ZFHX3: variants seen among roughly 807,000 people sequenced by gnomAD.
ZFHX3 encodes zinc finger homeobox protein 3.
Under a neutral mutation model 279.1 loss-of-function variants are expected in ZFHX3, and 42 were observed. That is an observed-to-expected ratio of 0.15 (90% confidence interval 0.12 to 0.19). The LOEUF is 0.19. Among genes scored for constraint, ZFHX3 ranks in the 10% least tolerant of loss-of-function variants. ZFHX3 has a pLI of 1.00. For synonymous variants in ZFHX3, 2,293 were observed against 1,957.8 expected, an observed-to-expected ratio of 1.17 and a Z score of -4.52; for missense variants, 4,981 against 4,754.0, an observed-to-expected ratio of 1.05 and a Z score of -1.40.
chr16:72,950,359 G>A, intron 3 of ZFHX3, 110 bp downstream of exon 3: 2 of 1,495,526 alleles, frequency 1.3e-6, no homozygotes, highest in Non-Finnish European at 1.8e-6. Flanking sequence ...CAACAGCCAA[G>A]CAGGCCATGC....
chr16:73,884,096 C>A (rs2030268347), intron 1 of ZFHX3, among the ~76,000 whole-genome samples: 1 of 152,152 alleles, frequency 6.6e-6, no homozygotes, highest in Non-Finnish European at 1.5e-5. Context: ...TAGTTTCCAG[C>A]ACACTGTGAT....
At position 72,786,881 on chromosome 16, in the gene ZFHX3, T is replaced by G. The variant is rs949137121; in HGVS notation, c.*283A>C. On this transcript the variant is annotated 3_prime_UTR_variant, in exon 10 of 10. Transcript: ENST00000268489. ...ACATTAGGGAGGCCCTGCGGACTTCTGTTTCCCAGACCAATAGTACCTTCA... is the reference window on the plus strand; with the variant it reads ...ACATTAGGGAGGCCCTGCGGACTTCGGTTTCCCAGACCAATAGTACCTTCA... 1.5e-5 allele frequency: 3 copies of G among 194,634 alleles called. No homozygotes were observed. Among genetic ancestry groups the G allele is most frequent in the African/African-American group, 7.0e-5 (3 of 42,830 alleles). The allele number at this position is 194,634 out of a possible 1,614,324, so 12.1% of individuals were successfully genotyped here. A position where few individuals can be genotyped will look rare whatever the true frequency, so the allele number is the denominator to read the frequency against.
chr16:73,647,214 G>A (rs973280440), intron 2 of ZFHX3, among the ~76,000 whole-genome samples: 1 of 151,932 alleles, frequency 6.6e-6, no homozygotes, highest in South Asian at 2.1e-4. Flanking sequence ...GGGTTTCACC[G>A]TGTTAGCCAG....
At chr16:73,160,940 G>A (rs1967220696) in intron 5 of ZFHX3, among the ~76,000 whole-genome samples, 1 of 151,768 alleles carries the variant, frequency 6.6e-6, no homozygotes, top group South Asian at 2.1e-4. Context: ...ACTCTGGTCT[G>A]GCTATAACTT....
At chr16:73,682,359 G>A (rs926929244) in intron 1 of ZFHX3, among the ~76,000 whole-genome samples, 1 of 151,892 alleles carries the variant, frequency 6.6e-6, no homozygotes, top group Admixed American at 6.6e-5. Flanking sequence ...TAATCATAAG[G>A]CACATGGGAA....
chr16:73,349,717 T>C (rs1431244160), intron 3 of ZFHX3, among the ~76,000 whole-genome samples: 15 of 47,346 alleles, frequency 3.2e-4, no homozygotes, highest in African/African-American at 1.7e-3. Context: ...CCCTCCCTCC[T>C]TCCCTCTCTC....
At chr16:72,854,938 T>TGGGGGG (rs373623618) in intron 4 of ZFHX3, among the ~76,000 whole-genome samples, 5 of 73,912 alleles carry the variant, frequency 6.8e-5, no homozygotes, top group African/African-American at 1.6e-4. Context: ...AATTGGTGGG[T>TGGGGGG]GGGGGGGGGG....
intron 1 of ZFHX3, among the ~76,000 whole-genome samples, chr16:73,681,568 C>T (rs532418019): frequency 1.3e-5 from 2 of 152,220 alleles, no homozygotes; most frequent in Non-Finnish European, 1.5e-5. Context: ...TTCTGGTTAG[C>T]GTTTCTAAGC....
chr16:73,036,170 A>G (rs1287182776), intron 1 of ZFHX3, among the ~76,000 whole-genome samples: 1 of 151,978 alleles, frequency 6.6e-6, no homozygotes, highest in Non-Finnish European at 1.5e-5. Context: ...TCTCTCTACA[A>G]CTGGGGAGGG....
chr16:73,430,045 T>A (rs1243627976), intron 3 of ZFHX3, among the ~76,000 whole-genome samples: 1 of 151,996 alleles, frequency 6.6e-6, no homozygotes, highest in Non-Finnish European at 1.5e-5. Flanking sequence ...ACCACCACAC[T>A]TGGCTAATTA....
intron 3 of ZFHX3, among the ~76,000 whole-genome samples, chr16:73,332,798 C>T (rs569117636): frequency 6.6e-6 from 1 of 152,298 alleles, no homozygotes; most frequent in African/African-American, 2.4e-5. Flanking sequence ...AATGAACGTA[C>T]TCCATGCAAC....
intron 1 of ZFHX3, among the ~76,000 whole-genome samples, chr16:73,044,601 T>C (rs1244441756): frequency 6.3e-5 from 1 of 15,908 alleles, no homozygotes. Flanking sequence ...AAAAGGTGAG[T>C]GTTTGTTTGT....
intron 3 of ZFHX3, among the ~76,000 whole-genome samples, chr16:73,450,672 T>G (rs1291590520): frequency 6.6e-6 from 1 of 152,238 alleles, no homozygotes. Context: ...GCCAGATCCC[T>G]AACTCCGAAT....
At chr16:73,865,523 A>G (rs1481517622) in intron 1 of ZFHX3, among the ~76,000 whole-genome samples, 1 of 152,096 alleles carries the variant, frequency 6.6e-6, no homozygotes, top group Admixed American at 6.5e-5. Context: ...CTTATATTCT[A>G]GATAGTTTCT....
chr16:72,971,059 A>G (rs1962085465), intron 1 of ZFHX3, among the ~76,000 whole-genome samples: 1 of 152,202 alleles, frequency 6.6e-6, no homozygotes, highest in Non-Finnish European at 1.5e-5. Context: ...GCACGTTTAC[A>G]GATACAGATT....
At chr16:73,085,212 T>A (rs1417016659) in intron 8 of ZFHX3, among the ~76,000 whole-genome samples, 3 of 152,154 alleles carry the variant, frequency 2.0e-5, no homozygotes, top group African/African-American at 7.2e-5. Context: ...TGGAACAGAA[T>A]AGAAAACCAG....
chr16:72,784,133 G>A lies in ZFHX3; in HGVS notation c.*3031C>T, dbSNP rs1396261504. 6.6e-6 allele frequency: 1 copy of A among 152,524 alleles called. No homozygotes were observed. The highest frequency in any genetic ancestry group is 2.4e-5 in the African/African-American group (1 of 41,386). The allele number at this position is 152,524 out of a possible 1,614,324, so 9.4% of individuals were successfully genotyped here. On this transcript the variant is annotated 3_prime_UTR_variant, in exon 10 of 10. Transcript: ENST00000268489. ...GAGAACACTAGGTGGGTGGAAGTGT[G>A]CTCAGCCAATCTATTCAACCACCTT...
chr16:73,543,644 G>GA (rs1440042020), intron 2 of ZFHX3, among the ~76,000 whole-genome samples: 1 of 152,162 alleles, frequency 6.6e-6, no homozygotes, highest in Non-Finnish European at 1.5e-5. Flanking sequence ...GTCTGGGCTT[G>GA]AACCCTGCCC....
At chr16:73,775,837 G>A (rs1463420691) in intron 1 of ZFHX3, among the ~76,000 whole-genome samples, 4 of 152,136 alleles carry the variant, frequency 2.6e-5, no homozygotes, top group Non-Finnish European at 5.9e-5. Context: ...GGGGCCCCCA[G>A]TAGAACCCTG....
Sources: gnomAD v4.1 joint callset for allele counts (sites outside exome capture counted in the v4.1 genomes callset) on GRCh38, gnomAD v4.1.1 for gene constraint, MANE v1.5 for transcripts, NCBI Gene and HGNC (gene_info 2026-07-23, HGNC 2026-07-21) for gene names.